GALNT17: variants seen among roughly 807,000 people sequenced by gnomAD.
GALNT17 encodes the protein UDP-GalNAc:polypeptide N-acetylgalactosaminyltransferase-like 3.
Under a neutral mutation model 63.7 loss-of-function variants are expected in GALNT17, and 29 were observed. The observed-to-expected ratio is 0.46, with a 90% CI of 0.34 to 0.62. GALNT17 has a LOEUF of 0.62. GALNT17 is among the 20% of genes least tolerant of loss of function. The pLI, the probability that GALNT17 is intolerant of heterozygous loss-of-function variation, is 0.01. For missense variants in GALNT17, 603 were observed against 799.6 expected, an observed-to-expected ratio of 0.75 and a Z score of 2.97; for synonymous variants, 305 against 318.3, an observed-to-expected ratio of 0.96 and a Z score of 0.45.
chr7:71,489,797 C>A (rs1787976765), intron 5 of GALNT17, among the ~76,000 whole-genome samples: 1 of 152,234 alleles, frequency 6.6e-6, no homozygotes, highest in Non-Finnish European at 1.5e-5. Flanking sequence ...CTCCACCTGA[C>A]AACGTTCATT....
chr7:71,557,740 G>A (rs1028474863), intron 5 of GALNT17, among the ~76,000 whole-genome samples: 5 of 152,024 alleles, frequency 3.3e-5, no homozygotes, highest in East Asian at 1.9e-4. Flanking sequence ...GCAGTGAACC[G>A]AGATCGCGCC....
At chr7:71,504,378 A>G (rs1019158270) in intron 5 of GALNT17, among the ~76,000 whole-genome samples, 4 of 151,942 alleles carry the variant, frequency 2.6e-5, no homozygotes, top group Non-Finnish European at 5.9e-5. Context: ...CGACAGAGCT[A>G]GACTCCGTCT....
At chr7:71,627,847 G>T (rs1419783534) in intron 6 of GALNT17, among the ~76,000 whole-genome samples, 1 of 152,108 alleles carries the variant, frequency 6.6e-6, no homozygotes, top group Non-Finnish European at 1.5e-5. Context: ...GCCAGAGCCA[G>T]CTCTCCTAAG....
chr7:71,637,223 G>C (rs547000235), intron 6 of GALNT17, among the ~76,000 whole-genome samples: 2 of 152,174 alleles, frequency 1.3e-5, no homozygotes, highest in East Asian at 3.9e-4. Flanking sequence ...GTCTTGCTCT[G>C]TTGCCAGGCT....
chr7:71,350,786 G>A (rs1270135936), intron 2 of GALNT17, among the ~76,000 whole-genome samples: 1 of 152,152 alleles, frequency 6.6e-6, no homozygotes, highest in African/African-American at 2.4e-5. Flanking sequence ...GGAAACAAGA[G>A]TGTACTTTAG....
intron 6 of GALNT17, among the ~76,000 whole-genome samples, chr7:71,636,561 A>G (rs1011932167): frequency 3.9e-5 from 6 of 152,218 alleles, no homozygotes; most frequent in Admixed American, 3.9e-4. Flanking sequence ...CGACGTCATC[A>G]GCTGAAAGTG....
At position 71,524,281 on chromosome 7, in the gene GALNT17, C is replaced by T. The variant is rs964577368; in HGVS notation, c.963-47004C>T. ...TATATTATATATAATTATATATTAT[C>T]ATATTAGTATATTGATATTAACTAT... is the stretch of plus-strand genomic sequence containing the variant. On this transcript the variant is annotated intron_variant, in intron 5 of 10. Coordinates refer to ENST00000333538, the MANE Select transcript of GALNT17 (RefSeq NM_022479.3). 1.7e-3 allele frequency among the ~76,000 whole-genome samples: 242 copies of T among 145,368 alleles called. 1 individual carries two copies. The highest frequency in any genetic ancestry group is 5.9e-3 in the African/African-American group (230 of 39,254).
At position 71,420,919 on chromosome 7, in the gene GALNT17, T is replaced by A; in HGVS notation, c.776T>A (p.Val259Asp). 6.2e-7 allele frequency: 1 copy of A among 1,614,104 alleles called. No individual in the cohort carries two copies. Among genetic ancestry groups the A allele is most frequent in the Non-Finnish European group, 8.5e-7 (1 of 1,180,010 alleles). ...VEFTAGWAEP[V>D]LSRIQENRKR... ...TCTCTATGTTTCAGGGCTGAGCCGG[T>A]TCTATCCCGCATCCAGGAAAACCGG... The change falls in exon 5 of 11, where the codon GTT (valine) becomes GAT (aspartate). Residue 259 changes from valine (V) to aspartate (D), a missense_variant. Around this residue, in one of 3 missense-constraint regions of GALNT17, gnomAD observed 336 missense variants for 507.8 expected, o/e 0.66. Coordinates refer to ENST00000333538, the MANE Select transcript of GALNT17 (RefSeq NM_022479.3).
At chr7:71,638,847 G>T (rs959652734) in intron 6 of GALNT17, among the ~76,000 whole-genome samples, 2 of 152,090 alleles carry the variant, frequency 1.3e-5, no homozygotes, top group East Asian at 1.9e-4. Context: ...GGCAAACATC[G>T]CATGGTCTCA....
intron 5 of GALNT17, among the ~76,000 whole-genome samples, chr7:71,430,498 T>C (rs1431243110): frequency 1.3e-5 from 2 of 152,214 alleles, no homozygotes; most frequent in Non-Finnish European, 2.9e-5. Context: ...TTCAGGGCAC[T>C]GGCTGAAAGC....
intron 5 of GALNT17, among the ~76,000 whole-genome samples, chr7:71,452,929 A>G (rs1181002234): frequency 6.6e-6 from 1 of 152,182 alleles, no homozygotes; most frequent in Non-Finnish European, 1.5e-5. Context: ...ATCTGCCTTA[A>G]CATGATTGGT....
In GALNT17 at chr7:71,346,242, A is replaced by T. The variant is rs893724081; in HGVS notation, c.422+10509A>T. ...TATTTATATATTATACTTACATATTATATATATTTTAAAAGGTCAAAAATT... is the reference window on the plus strand; with the variant it reads ...TATTTATATATTATACTTACATATTTTATATATTTTAAAAGGTCAAAAATT... On this transcript the variant is annotated intron_variant, in intron 2 of 10. Coordinates refer to ENST00000333538, the MANE Select transcript of GALNT17 (RefSeq NM_022479.3). Among the ~76,000 whole-genome samples the T allele has an allele frequency of 3.3e-5, 5 of 151,566 alleles. No homozygotes were observed. The East Asian group carries it at 7.8e-4, about 24-fold the overall frequency.
At chr7:71,206,734 A>G (rs759492967) in intron 1 of GALNT17, among the ~76,000 whole-genome samples, 1 of 152,162 alleles carries the variant, frequency 6.6e-6, no homozygotes, top group Admixed American at 6.6e-5. Context: ...CTGCGGCTAA[A>G]GGAATGCAGA....
chr7:71,425,325 C>T (rs539697320), intron 5 of GALNT17, among the ~76,000 whole-genome samples: 1 of 152,036 alleles, frequency 6.6e-6, no homozygotes, highest in African/African-American at 2.4e-5. Flanking sequence ...CGGGTTCGAG[C>T]AATTCTTCTG....
chr7:71,471,448 A>G (rs1787631687), intron 5 of GALNT17, among the ~76,000 whole-genome samples: 1 of 151,994 alleles, frequency 6.6e-6, no homozygotes, highest in Non-Finnish European at 1.5e-5. Context: ...TGGCTCTACA[A>G]AGCATATTTT....
intron 5 of GALNT17, among the ~76,000 whole-genome samples, chr7:71,518,259 A>G (rs1172282409): frequency 1.3e-5 from 2 of 152,196 alleles, no homozygotes; most frequent in African/African-American, 2.4e-5. Context: ...TACCTCAGGC[A>G]TCTTCTTTCT....
chr7:71,558,772 G>A (rs999689849), intron 5 of GALNT17, among the ~76,000 whole-genome samples: 11 of 152,114 alleles, frequency 7.2e-5, no homozygotes, highest in African/African-American at 2.7e-4. Flanking sequence ...GTATTATCCC[G>A]AGAAAATTGC....
At chr7:71,211,474 A>C (rs1032794168) in intron 1 of GALNT17, among the ~76,000 whole-genome samples, 1 of 152,242 alleles carries the variant, frequency 6.6e-6, no homozygotes, top group Non-Finnish European at 1.5e-5. Context: ...CAGCAGCATG[A>C]AAACAGACGA....
At chr7:71,409,312 C>T (rs1376291521) in intron 3 of GALNT17, among the ~76,000 whole-genome samples, 1 of 152,128 alleles carries the variant, frequency 6.6e-6, no homozygotes, top group Non-Finnish European at 1.5e-5. Flanking sequence ...AATGCTAAGC[C>T]AGAGCCACCC....
Sources: gnomAD v4.1 joint callset for allele counts (sites outside exome capture counted in the v4.1 genomes callset) on GRCh38, gnomAD v4.1.1 for gene constraint, gnomAD v4.1.1 regional missense constraint, MANE v1.5 for transcripts, NCBI Gene and HGNC (gene_info 2026-07-23, HGNC 2026-07-21) for gene names.